Variants in ADAMTS3 observed in about 807,000 individuals in gnomAD.
ADAMTS3 encodes the protein ADAM metallopeptidase with thrombospondin type 1 motif 3, also known as A disintegrin and metalloproteinase with thrombospondin motifs 3.
ADAMTS3 carries 73 observed loss-of-function variants against 129.0 expected under a neutral mutation model. That is an observed-to-expected ratio of 0.57 (90% CI 0.47 to 0.69). The LOEUF (loss-of-function observed/expected upper bound fraction) is 0.69. ADAMTS3 is among the 30% of genes least tolerant of loss of function. The pLI is 0.00. For synonymous variants in ADAMTS3, 477 were observed against 510.8 expected (o/e 0.93, Z 0.89); for missense variants, 1,457 against 1,514.5 (o/e 0.96, Z 0.63).
At chr4:72,530,779 A>C (rs1431057817) in intron 3 of ADAMTS3, among the ~76,000 whole-genome samples, 1 of 90,440 alleles carries the variant, frequency 1.1e-5, no homozygotes, top group Non-Finnish European at 2.0e-5. Context: ...TATATATATT[A>C]TATTATACAT....
intron 3 of ADAMTS3, among the ~76,000 whole-genome samples, chr4:72,473,317 T>A (rs868168518): frequency 6.6e-6 from 1 of 152,042 alleles, no homozygotes; most frequent in African/African-American, 2.4e-5. Flanking sequence ...CATGATGACA[T>A]GCTGGGTTTT....
rs1719014069 is a variant in ADAMTS3, at chr4:72,303,804, C to T, written c.2424+113G>A. On this transcript the variant is annotated intron_variant, in intron 17 of 21. Transcript: ENST00000286657. ...TAAATGGAATTATTTTAAAAAGCAA[C>T]TCATGTTTCAAAGTTCAAAGTACAC... The T allele has an allele frequency of 4.6e-6, 5 of 1,087,154 alleles. No homozygotes were observed. In the South Asian group the frequency reaches 5.7e-5, roughly 12 times the overall value. The allele number at this position is 1,087,154 out of a possible 1,614,324, so 67.3% of individuals were successfully genotyped here.
intron 3 of ADAMTS3, among the ~76,000 whole-genome samples, chr4:72,466,907 AC>A (rs1245269094): frequency 1.3e-5 from 2 of 151,970 alleles, no homozygotes; most frequent in African/African-American, 4.8e-5. Context: ...TAAGATAATG[AC>A]CTCTCTAAAT....
chr4:72,546,058 G>A (rs1236685854), intron 3 of ADAMTS3, among the ~76,000 whole-genome samples: 5 of 152,150 alleles, frequency 3.3e-5, no homozygotes, highest in African/African-American at 1.2e-4. Context: ...TGTTTTTGAA[G>A]GGATCAAATC....
intron 3 of ADAMTS3, among the ~76,000 whole-genome samples, chr4:72,491,868 T>C (rs1418442536): frequency 6.6e-6 from 1 of 151,806 alleles, no homozygotes; most frequent in Non-Finnish European, 1.5e-5. Context: ...TTAATAAAAT[T>C]CACCTATGAA....
chr4:72,317,076 T>G (rs1719416666), intron 10 of ADAMTS3, among the ~76,000 whole-genome samples: 1 of 152,176 alleles, frequency 6.6e-6, no homozygotes, highest in South Asian at 2.1e-4. Flanking sequence ...TCTCTAAATG[T>G]AAACATCTTA....
At chr4:72,347,065 G>T (rs920140925) in intron 4 of ADAMTS3, among the ~76,000 whole-genome samples, 6 of 152,038 alleles carry the variant, frequency 3.9e-5, no homozygotes, top group African/African-American at 1.4e-4. Flanking sequence ...GGAAACTGGA[G>T]GAATATAACA....
In ADAMTS3 at chr4:72,319,344, T is replaced by C; in HGVS notation, c.1340A>G (p.Lys447Arg). The C allele has an allele frequency of 6.2e-7, 1 of 1,613,896 alleles. No homozygotes were observed. Among genetic ancestry groups the C allele is most frequent in the Non-Finnish European group, 8.5e-7 (1 of 1,179,896 alleles). ...HWSRCSGQEL[K>R]RYIHSYDCLL... ...GCAGGGGACATACTGGATATATCTT[T>C]TCAGTTCTTGACCACTGCATCGGGA... Residue 447 changes from lysine (K) to arginine (R), a missense_variant, in exon 9 of 22, where the codon AAA becomes AGA. Transcript: ENST00000286657.
intron 3 of ADAMTS3, among the ~76,000 whole-genome samples, chr4:72,529,561 G>A (rs564561240): frequency 1.4e-5 from 2 of 146,586 alleles, no homozygotes; most frequent in Non-Finnish European, 3.0e-5. Flanking sequence ...TCTGGAGATG[G>A]GATCTCGATA....
intron 4 of ADAMTS3, among the ~76,000 whole-genome samples, chr4:72,408,432 A>G (rs1214169828): frequency 1.3e-5 from 2 of 152,052 alleles, no homozygotes; most frequent in Non-Finnish European, 2.9e-5. Flanking sequence ...TCCTAAATGA[A>G]CATGTTCAAG....
intron 4 of ADAMTS3, among the ~76,000 whole-genome samples, chr4:72,397,749 G>A (rs1721763351): frequency 6.6e-6 from 1 of 152,120 alleles, no homozygotes; most frequent in Non-Finnish European, 1.5e-5. Context: ...TTTTATAGAT[G>A]AGGCAGTGAT....
rs560892196 is a variant in ADAMTS3, at chr4:72,301,218, G to A, written c.2424+2699C>T. 4.1e-5 allele frequency among the ~76,000 whole-genome samples: 6 copies of A among 144,602 alleles called. No individual in the cohort carries two copies. The South Asian group carries it at 1.5e-3, about 36-fold the overall frequency. 94.9% of individuals were successfully genotyped at this position (144,602 alleles called of 152,430 possible). Reference sequence around the variant, plus strand: ...AAGTAGGAGAAAATGTTTTGATGCTGGATTAGACAAAAAAAAATTTCATAA... The same window carrying A: ...AAGTAGGAGAAAATGTTTTGATGCTAGATTAGACAAAAAAAAATTTCATAA... On this transcript the variant is annotated intron_variant, in intron 17 of 21. Coordinates refer to ENST00000286657, the MANE Select transcript of ADAMTS3 (RefSeq NM_014243.3).
intron 3 of ADAMTS3, among the ~76,000 whole-genome samples, chr4:72,463,806 G>C (rs922049435): frequency 1.3e-5 from 2 of 151,320 alleles, no homozygotes; most frequent in Non-Finnish European, 2.9e-5. Flanking sequence ...TCCAGTTACA[G>C]GTGGCTAGCA....
chr4:72,339,641 G>A lies in ADAMTS3; in HGVS notation c.714C>T (p.His238=), dbSNP rs755218881. 4.0e-5 allele frequency: 64 copies of A among 1,613,760 alleles called. No homozygotes were observed. Among genetic ancestry groups the A allele is most frequent in the Non-Finnish European group, 5.3e-5 (62 of 1,179,894 alleles). ...DDLGTVYGNI[H]QQLNETMRRR... Reference sequence around the variant, plus strand: ...GTCTCATTGTTTCATTCAGCTGCTGGTGGATGTTGCCATAAACAGTACCTA... The same window carrying A: ...GTCTCATTGTTTCATTCAGCTGCTGATGGATGTTGCCATAAACAGTACCTA... Residue 238 remains histidine (H), a synonymous_variant, in exon 5 of 22, where the codon CAC becomes CAT. Transcript: ENST00000286657.
chr4:72,541,427 C>T (rs183158026), intron 3 of ADAMTS3, among the ~76,000 whole-genome samples: 236 of 152,222 alleles, frequency 1.6e-3, no homozygotes, highest in African/African-American at 4.6e-3. Flanking sequence ...CTTTGGACTG[C>T]GGACTTTTGA....
chr4:72,504,491 T>C (rs984391855), intron 3 of ADAMTS3, among the ~76,000 whole-genome samples: 2 of 152,118 alleles, frequency 1.3e-5, no homozygotes, highest in African/African-American at 4.8e-5. Context: ...TCTGGTTACA[T>C]TTAATTTTTT....
chr4:72,391,333 A>G (rs1721589574), intron 4 of ADAMTS3, among the ~76,000 whole-genome samples: 1 of 152,216 alleles, frequency 6.6e-6, no homozygotes, highest in Non-Finnish European at 1.5e-5. Context: ...CCCAAGCTAC[A>G]GAGTTGAGAG....
intron 3 of ADAMTS3, among the ~76,000 whole-genome samples, chr4:72,450,810 C>G (rs1447811729): frequency 6.6e-6 from 1 of 151,328 alleles, no homozygotes; most frequent in Non-Finnish European, 1.5e-5. Context: ...AAGAGAGTAC[C>G]AAGAGGAGAA....
chr4:72,487,272 G>A (rs540411596), intron 3 of ADAMTS3, among the ~76,000 whole-genome samples: 3 of 152,030 alleles, frequency 2.0e-5, no homozygotes, highest in South Asian at 2.1e-4. Context: ...GAAGACAAAG[G>A]TAGGAGAAAA....
Sources: gnomAD v4.1 joint callset for allele counts (sites outside exome capture counted in the v4.1 genomes callset) on GRCh38, gnomAD v4.1.1 for gene constraint, MANE v1.5 for transcripts, NCBI Gene and HGNC (gene_info 2026-07-23, HGNC 2026-07-21) for gene names.